HIP1: variants seen among roughly 807,000 people sequenced by gnomAD.
HIP1 encodes the protein huntingtin interacting protein 1, also known as huntingtin-interacting protein 1.
A neutral mutation model predicts 147.6 loss-of-function variants in HIP1; 65 were observed. That is an observed-to-expected ratio of 0.44 (90% CI 0.36 to 0.54). HIP1 has a LOEUF of 0.54. Among genes scored for constraint, HIP1 ranks in the 20% least tolerant of loss-of-function variants. HIP1 has a pLI of 0.00. For missense variants in HIP1, 1,061 were observed against 1,299.6 expected (o/e 0.82, Z 2.82); for synonymous variants, 479 against 504.0 (o/e 0.95, Z 0.67).
At chr7:75,657,761 G>A (rs1246392069) in intron 1 of HIP1, among the ~76,000 whole-genome samples, 4 of 151,790 alleles carry the variant, frequency 2.6e-5, no homozygotes, top group Non-Finnish European at 4.4e-5. Context: ...AGGAGGGGGA[G>A]AAAGGCTGAA....
At chr7:75,617,409 A>C (rs1797707239) in intron 1 of HIP1, among the ~76,000 whole-genome samples, 1 of 149,646 alleles carries the variant, frequency 6.7e-6, no homozygotes, top group Non-Finnish European at 1.5e-5. Flanking sequence ...AGAGGTGAGG[A>C]TCTCCCTGTG....
chr7:75,653,637 T>A (rs929826481), intron 1 of HIP1, among the ~76,000 whole-genome samples: 28 of 152,066 alleles, frequency 1.8e-4, no homozygotes, highest in Non-Finnish European at 7.4e-5. Flanking sequence ...GGCAGGTGGA[T>A]CACCTGAGCT....
intron 1 of HIP1, among the ~76,000 whole-genome samples, chr7:75,615,533 CAGAT>C: frequency 6.6e-6 from 1 of 151,686 alleles, no homozygotes; most frequent in East Asian, 2.0e-4. Flanking sequence ...TCATGAATGA[CAGAT>C]GGAGACCCTG....
chr7:75,619,719 G>A (rs1462924942), intron 1 of HIP1, among the ~76,000 whole-genome samples: 5 of 152,056 alleles, frequency 3.3e-5, no homozygotes, highest in African/African-American at 9.7e-5. Flanking sequence ...GAAGACATTG[G>A]CATTCGATAC....
At position 75,565,475 on chromosome 7, in the gene HIP1, G is replaced by A. The variant is rs980610838; in HGVS notation, c.804-2212C>T. On this transcript the variant is annotated intron_variant, in intron 9 of 30. Transcript: ENST00000336926. ...GCCATTTATCACAGAATATGTACTC[G>A]GCTTCTCAAATGGAACAGGGGTACC... 1.1e-4 allele frequency among the ~76,000 whole-genome samples: 16 copies of A among 152,214 alleles called. 1 individual carries two copies. The highest frequency in any genetic ancestry group is 3.6e-4 in the African/African-American group (15 of 41,538).
intron 16 of HIP1, among the ~76,000 whole-genome samples, chr7:75,557,019 A>ATTATTTATTTATTTAT (rs3041772): frequency 0.023 from 3,352 of 145,416 alleles, 92 homozygotes; most frequent in African/African-American, 0.059. Flanking sequence ...AGGATTTTTT[A>ATTATTTATTTATTTAT]TTATTTATTT....
chr7:75,674,613 C>A (rs1554515744), intron 1 of HIP1, among the ~76,000 whole-genome samples: 1 of 151,872 alleles, frequency 6.6e-6, no homozygotes, highest in African/African-American at 2.4e-5. Context: ...CTGCCTCAGC[C>A]TCCCGAGTAG....
intron 1 of HIP1, among the ~76,000 whole-genome samples, chr7:75,608,301 C>T (rs900855682): frequency 1.3e-5 from 2 of 152,048 alleles, no homozygotes; most frequent in African/African-American, 4.8e-5. Context: ...AGAGAAACTC[C>T]GTCTCAAAAG....
intron 4 of HIP1, among the ~76,000 whole-genome samples, chr7:75,587,627 A>G (rs1554499837): frequency 6.6e-6 from 1 of 152,184 alleles, no homozygotes; most frequent in Non-Finnish European, 1.5e-5. Context: ...TACAAACATA[A>G]GGACTGCCTT....
rs116740028 is a variant in HIP1 at position 75,554,411 on chromosome 7, C to T, written c.2050+29G>A. ...TGAACCCTGTCTGGCCATCACTAGC[C>T]GACAGAGACTGTCCTTGGCCATTCT... On this transcript the variant is annotated intron_variant, in intron 20 of 30. Transcript: ENST00000336926. The T allele has an allele frequency of 2.6e-3, 4,046 of 1,578,018 alleles. 93 individuals carry two copies. The African/African-American group carries it at 0.047, about 18-fold the overall frequency.
chr7:75,727,641 T>G (rs1217083950), intron 1 of HIP1, among the ~76,000 whole-genome samples: 3 of 151,288 alleles, frequency 2.0e-5, no homozygotes, highest in African/African-American at 7.3e-5. Context: ...AGGTCAGGAG[T>G]TCGAGACTAG....
intron 2 of HIP1, among the ~76,000 whole-genome samples, chr7:75,597,752 A>AAAAAAT: frequency 6.6e-6 from 1 of 151,092 alleles, no homozygotes; most frequent in South Asian, 2.1e-4. Context: ...AAAAAAAAAA[A>AAAAAAT]AAAAAGTCCC....
At chr7:75,564,655 CA>C (rs1477346861) in intron 9 of HIP1, among the ~76,000 whole-genome samples, 2 of 152,222 alleles carry the variant, frequency 1.3e-5, no homozygotes, top group African/African-American at 2.4e-5. Flanking sequence ...AGTATAGTGG[CA>C]AAATCATAGC....
At chr7:75,665,040 A>G (rs1799511786) in intron 1 of HIP1, among the ~76,000 whole-genome samples, 1 of 152,154 alleles carries the variant, frequency 6.6e-6, no homozygotes, top group Non-Finnish European at 1.5e-5. Flanking sequence ...TTGGGAGGCC[A>G]AGGTGTTCGA....
At position 75,577,346 on chromosome 7, in the gene HIP1, C is replaced by CGA. The variant is rs372758936; in HGVS notation, c.605-3447_605-3446dup. On this transcript the variant is annotated intron_variant, in intron 7 of 30. Transcript: ENST00000336926. ...GATCCCATCTCCAAAAAAAAAAAAA[C>CGA]GAGAGAGAGAGAAAAGAAAAACAGC... Among the ~76,000 whole-genome samples the CGA allele has an allele frequency of 3.6e-3, 380 of 105,086 alleles. 2 individuals carry two copies. Among genetic ancestry groups the CGA allele is most frequent in the Middle Eastern group, 0.024 (4 of 164 alleles). The allele number at this position is 105,086 out of a possible 152,430, so 68.9% of individuals were successfully genotyped here. A position where few individuals can be genotyped will look rare whatever the true frequency, so the allele number is the denominator to read the frequency against.
intron 1 of HIP1, among the ~76,000 whole-genome samples, chr7:75,712,409 T>G (rs2117354383): frequency 2.0e-5 from 3 of 152,148 alleles, no homozygotes; most frequent in African/African-American, 7.2e-5. Flanking sequence ...TGTGAAAAAG[T>G]TAACTGAGTG....
rs115964355 is a variant in HIP1, at chr7:75,646,599, C to T, written c.121-47352G>A. ...GGGGTCTTGCAGGGAGTAACCACGA[C>T]CGGTCATCCGCCTGCCTGTTCCTTG... On this transcript the variant is annotated intron_variant, in intron 1 of 30. Coordinates refer to ENST00000336926, the MANE Select transcript of HIP1 (RefSeq NM_005338.7). Among the ~76,000 whole-genome samples, 1,316 of 152,356 alleles carry T rather than the reference C, an allele frequency of 8.6e-3. 17 individuals are homozygous for T. Among genetic ancestry groups the T allele is most frequent in the African/African-American group, 0.022 (912 of 41,594 alleles).
intron 1 of HIP1, chr7:75,611,594 C>CG: frequency 1.2e-6 from 1 of 836,950 alleles, no homozygotes; most frequent in Non-Finnish European, 1.5e-6. Context: ...ACTGTTCCCG[C>CG]CCCGCCACAG....
rs1554507379 is a variant in HIP1, at chr7:75,622,849, T to TTATCTATCTATCTATATATC, written c.121-23603_121-23602insGATATATAGATAGATAGATA. 4.1e-5 allele frequency among the ~76,000 whole-genome samples: 6 copies of TTATCTATCTATCTATATATC among 146,350 alleles called. No individual in the cohort carries two copies. The East Asian group carries it at 1.2e-3, about 30-fold the overall frequency. On this transcript the variant is annotated intron_variant, in intron 1 of 30. Transcript: ENST00000336926. ...CAGAGCAAGATTGTCAAATAAATAA[T>TTATCTATCTATCTATATATC]TATCTATCTATCTATCTATCTATCT...
Sources: gnomAD v4.1 joint callset for allele counts (sites outside exome capture counted in the v4.1 genomes callset) on GRCh38, gnomAD v4.1.1 for gene constraint, MANE v1.5 for transcripts, NCBI Gene and HGNC (gene_info 2026-07-23, HGNC 2026-07-21) for gene names.